Variants in GAS5 observed in about 807,000 individuals in gnomAD.
GAS5 encodes growth arrest specific 5 (non-protein coding).
upstream of GAS5, chr1:173,867,523 AAG>A: frequency 2.6e-5 from 10 of 385,600 alleles, no homozygotes; most frequent in South Asian, 1.7e-4. Context: ...AAAAAGAAAA[AAG>A]AAACACTAAT....
chr1:173,864,021 G>T (rs1347179598), intron 7 of GAS5: 1 of 357,274 alleles, frequency 2.8e-6, no homozygotes, highest in East Asian at 7.4e-5. Flanking sequence ...CCAGAAGTTT[G>T]AGGCTGTAGT....
At chr1:173,865,442 A>G (rs16846483) in intron 6 of GAS5, 1 of 513,888 alleles carries the variant, frequency 1.9e-6, no homozygotes, top group Non-Finnish European at 3.9e-6. Flanking sequence ...AGCTCAATCA[A>G]TTAACGTTAA....
chr1:173,865,782 G>A (rs545738307), intron 5 of GAS5: 13 of 518,030 alleles, frequency 2.5e-5, no homozygotes, highest in Admixed American at 5.8e-5. Context: ...CAAGCCTTAA[G>A]CCATTAGCTC....
At chr1:173,865,037 T>C (rs747913096) in intron 6 of GAS5, 30 of 390,132 alleles carry the variant, frequency 7.7e-5, no homozygotes, top group African/African-American at 1.0e-4. Flanking sequence ...CTGGACAACA[T>C]AGCTGTACAA....
upstream of GAS5, chr1:173,867,694 A>C: frequency 1.9e-6 from 1 of 518,892 alleles, no homozygotes. Flanking sequence ...AGCGGTTGGC[A>C]TTCATCATTA....
At chr1:173,866,602 ACTCT>A in intron 2 of GAS5, 1 of 763,486 alleles carries the variant, frequency 1.3e-6, no homozygotes, top group Non-Finnish European at 2.4e-6. Context: ...ACTTAGGTGT[ACTCT>A]CTATGTTCCC....
At chr1:173,864,863 C>T (rs1193641164) in intron 6 of GAS5, 1 of 519,158 alleles carries the variant, frequency 1.9e-6, no homozygotes, top group Non-Finnish European at 3.8e-6. Context: ...CTTAATATTG[C>T]TCATCAGCGT....
chr1:173,867,943 G>C (rs1027102781), upstream of GAS5: 3 of 360,116 alleles, frequency 8.3e-6, no homozygotes, highest in South Asian at 2.0e-5. Context: ...CGCAACATTC[G>C]CAAAGATAAA....
chr1:173,867,081 A>G (rs1572028940), upstream of GAS5: 2 of 659,604 alleles, frequency 3.0e-6, no homozygotes, highest in East Asian at 5.1e-5. Context: ...TCATTGTTCC[A>G]CGGTTCTTTT....
chr1:173,866,276 A>G (rs1654605027), intron 3 of GAS5: 1 of 511,544 alleles, frequency 2.0e-6, no homozygotes, highest in Non-Finnish European at 3.9e-6. Context: ...CTGCTTAACC[A>G]TTAACAGCAA....
upstream of GAS5, chr1:173,867,219 TTAAGAACCACCGATGGC>T (rs1365814533): frequency 5.6e-6 from 3 of 539,038 alleles, no homozygotes; most frequent in Non-Finnish European, 9.8e-6. Context: ...GCACCCGCAG[TTAAGAACCACCGATGGC>T]GGCCGGGCGC....
exon 5 of GAS5, chr1:173,865,891 C>T (rs1222247571): frequency 2.7e-5 from 14 of 518,726 alleles, no homozygotes; most frequent in Non-Finnish European, 5.0e-5. Flanking sequence ...AAGTTGGACT[C>T]CACCTAAGAA....
chr1:173,867,109 T>TAA (rs144869587), upstream of GAS5: 2 of 611,110 alleles, frequency 3.3e-6, no homozygotes, highest in Admixed American at 5.9e-5. Context: ...GAGTGTTCTT[T>TAA]AAAAAAACGG....
upstream of GAS5, chr1:173,867,966 G>A (rs561959966): frequency 3.4e-4 from 116 of 340,716 alleles, no homozygotes; most frequent in South Asian, 1.3e-3. Context: ...ATACCTCACA[G>A]GAGTCGACTC....
intron 6 of GAS5, chr1:173,864,965 T>C (rs1295756070): frequency 3.9e-6 from 2 of 509,082 alleles, no homozygotes; most frequent in East Asian, 1.1e-4. Flanking sequence ...ACGCCTGTAA[T>C]CCCAGCACTT....
intron 5 of GAS5, chr1:173,865,604 A>G (rs1185451522): frequency 1.2e-5 from 6 of 519,064 alleles, no homozygotes; most frequent in African/African-American, 7.7e-5. Flanking sequence ...ACTCTTTTCA[A>G]AGTTGTCTGT....
At chr1:173,865,195 A>C in intron 6 of GAS5, 1 of 76,508 alleles carries the variant, frequency 1.3e-5, no homozygotes, top group Non-Finnish European at 2.5e-5. Flanking sequence ...ACTCTTGTCT[A>C]AAAAAAAAAA....
At chr1:173,866,846 A>G (rs767378584) in intron 1 of GAS5, 1 of 765,528 alleles carries the variant, frequency 1.3e-6, no homozygotes, top group East Asian at 2.4e-5. Flanking sequence ...ACCTCACAGC[A>G]GTCACGTTAA....
rs1654331456 is a variant in GAS5, at chr1:173,864,957, G to A, written n.276+514C>T. 1 of 510,854 alleles carries A rather than the reference G, an allele frequency of 2.0e-6. No homozygotes were observed. The highest frequency in any genetic ancestry group is 3.9e-6 in the Non-Finnish European group (1 of 254,334). 31.6% of individuals were successfully genotyped at this position (510,854 alleles called of 1,614,324 possible). ...CTTGAGGCGGGGCATGGTGGCTCAC[G>A]CCTGTAATCCCAGCACTTTGGGAGG... On this transcript the variant is annotated intron_variant and non_coding_transcript_variant, in intron 6 of 7. Coordinates refer to ENST00000651080, the Ensembl canonical transcript of GAS5.
Sources: gnomAD v4.1 joint callset for allele counts on GRCh38, gnomAD v4.1.1 for gene constraint, MANE v1.5 for transcripts, NCBI Gene and HGNC (gene_info 2026-07-23, HGNC 2026-07-21) for gene names.